RFTN2: variants seen among roughly 807,000 people sequenced by gnomAD.
RFTN2 encodes the protein raftlin-2.
A neutral mutation model predicts 52.7 loss-of-function variants in RFTN2; 34 were observed. The ratio of observed to expected loss-of-function variants is 0.64; its 90% CI spans 0.49 to 0.86. The LOEUF is 0.86. RFTN2 is among the 40% of genes least tolerant of loss of function. The probability of loss-of-function intolerance (pLI) is 0.00; values close to 1 mark genes in which losing one functional copy is unlikely to be tolerated. For missense variants in RFTN2, 536 were observed against 600.1 expected (o/e 0.89, Z 1.12); for synonymous variants, 203 against 217.7 (o/e 0.93, Z 0.59).
chr2:197,649,744 A>T (rs2088799794), intron 1 of RFTN2, among the ~76,000 whole-genome samples: 1 of 152,230 alleles, frequency 6.6e-6, no homozygotes. Flanking sequence ...AAATTTAGGC[A>T]GCTCAACACT....
chr2:197,595,938 G>T, intron 8 of RFTN2, 53 bp downstream of exon 8: 1 of 1,200,578 alleles, frequency 8.3e-7, no homozygotes, highest in Non-Finnish European at 1.2e-6. Flanking sequence ...GAGAGTTTAA[G>T]GATTAAATGC....
At chr2:197,671,968 C>T (rs2089152990) in intron 1 of RFTN2, among the ~76,000 whole-genome samples, 1 of 152,116 alleles carries the variant, frequency 6.6e-6, no homozygotes, top group South Asian at 2.1e-4. Flanking sequence ...TGTTAAGAAA[C>T]CCTGTAACAT....
chr2:197,580,170 A>T (rs2087482165), intron 8 of RFTN2, among the ~76,000 whole-genome samples: 2 of 150,724 alleles, frequency 1.3e-5, no homozygotes, highest in Non-Finnish European at 2.9e-5. Flanking sequence ...TCCCGACATT[A>T]AAAAAAAGCC....
At chr2:197,647,684 T>C (rs575203980) in intron 1 of RFTN2, among the ~76,000 whole-genome samples, 1 of 152,320 alleles carries the variant, frequency 6.6e-6, no homozygotes, top group African/African-American at 2.4e-5. Context: ...ATGGTGCTTA[T>C]GTAAATGCTT....
intron 7 of RFTN2, among the ~76,000 whole-genome samples, chr2:197,597,746 G>A (rs1033205555): frequency 1.3e-5 from 2 of 152,082 alleles, no homozygotes; most frequent in African/African-American, 4.8e-5. Context: ...TCAAACTCCC[G>A]ACCTCAGGTG....
At chr2:197,618,355 C>G (rs1483006258) in intron 5 of RFTN2, among the ~76,000 whole-genome samples, 1 of 152,124 alleles carries the variant, frequency 6.6e-6, no homozygotes, top group Non-Finnish European at 1.5e-5. Flanking sequence ...CCCGAGGTGC[C>G]GGGATTGCAG....
At chr2:197,625,768 C>T (rs758928465) in intron 5 of RFTN2, among the ~76,000 whole-genome samples, 2 of 143,436 alleles carry the variant, frequency 1.4e-5, no homozygotes, top group African/African-American at 2.6e-5. Flanking sequence ...CTTTTCTCTC[C>T]TCTCTTTTCC....
chr2:197,624,597 C>CAAAAAAAAA (rs746144794), intron 5 of RFTN2, among the ~76,000 whole-genome samples: 1 of 57,914 alleles, frequency 1.7e-5, no homozygotes, highest in Admixed American at 2.6e-4. Flanking sequence ...GACTCTGTCT[C>CAAAAAAAAA]AAAAAAAAAA....
intron 1 of RFTN2, among the ~76,000 whole-genome samples, chr2:197,657,986 G>A (rs2088916871): frequency 1.3e-5 from 2 of 152,058 alleles, no homozygotes; most frequent in Admixed American, 1.3e-4. Context: ...GTGAAGAAGG[G>A]GAGAGCTGTG....
chr2:197,621,042 TG>T (rs2088255497), intron 5 of RFTN2, among the ~76,000 whole-genome samples: 1 of 152,156 alleles, frequency 6.6e-6, no homozygotes, highest in African/African-American at 2.4e-5. Flanking sequence ...TAGTTCAAGC[TG>T]GTTTTCTAAT....
intron 6 of RFTN2, among the ~76,000 whole-genome samples, chr2:197,616,778 T>C (rs188949587): frequency 9.6e-4 from 146 of 152,334 alleles, no homozygotes; most frequent in African/African-American, 3.3e-3. Context: ...TAATTTGGAA[T>C]TGAGTTTTGC....
At chr2:197,579,055 T>C (rs73052811) in intron 8 of RFTN2, among the ~76,000 whole-genome samples, 1,898 of 152,104 alleles carry the variant, frequency 0.012, 41 homozygotes, top group African/African-American at 0.044. Flanking sequence ...CTGGCAGAGA[T>C]AGAGGAGACA....
chr2:197,586,126 A>G lies in RFTN2; in HGVS notation c.1233+9865T>C, dbSNP rs200013516. 9.2e-5 allele frequency among the ~76,000 whole-genome samples: 14 copies of G among 152,314 alleles called. No homozygotes were observed. In the East Asian group the frequency reaches 2.7e-3, roughly 29 times the overall value. On this transcript the variant is annotated intron_variant, in intron 8 of 8. Transcript: ENST00000295049. ...AAACTTAAAAACATTAGCAGTAATT[A>G]TTGCTTACGAAGGCACTTACCCTGT...
At chr2:197,613,835 C>A (rs1171562846) in intron 7 of RFTN2, among the ~76,000 whole-genome samples, 2 of 152,166 alleles carry the variant, frequency 1.3e-5, no homozygotes, top group Non-Finnish European at 1.5e-5. Context: ...GAAGAGTAGA[C>A]ATTGAGAGTT....
chr2:197,626,467 G>T (rs2088360595), intron 5 of RFTN2, among the ~76,000 whole-genome samples: 1 of 151,774 alleles, frequency 6.6e-6, no homozygotes, highest in African/African-American at 2.4e-5. Context: ...GGGAGGCTGA[G>T]GTGGGAGGAT....
At chr2:197,599,015 G>A (rs1474047981) in intron 7 of RFTN2, among the ~76,000 whole-genome samples, 1 of 150,936 alleles carries the variant, frequency 6.6e-6, no homozygotes, top group Non-Finnish European at 1.5e-5. Context: ...GCAGTGGCAC[G>A]ACCTCGGCTC....
intron 1 of RFTN2, among the ~76,000 whole-genome samples, chr2:197,658,108 A>G (rs2088918867): frequency 6.6e-6 from 1 of 152,016 alleles, no homozygotes; most frequent in Non-Finnish European, 1.5e-5. Context: ...ATGCTGGGGC[A>G]GTAATATCAG....
chr2:197,615,107 G>A (rs1006186128), intron 7 of RFTN2, among the ~76,000 whole-genome samples: 2 of 152,226 alleles, frequency 1.3e-5, no homozygotes, highest in Non-Finnish European at 2.9e-5. Flanking sequence ...ACAGGGCTAA[G>A]TTGCTAAACC....
At chr2:197,575,941 G>T (rs932052103) in intron 8 of RFTN2, among the ~76,000 whole-genome samples, 2 of 136,640 alleles carry the variant, frequency 1.5e-5, no homozygotes, top group Non-Finnish European at 3.2e-5. Context: ...AAAAGGGAAA[G>T]CACAACAAGG....
Sources: allele counts gnomAD v4.1 joint callset (sites outside exome capture counted in the v4.1 genomes callset), GRCh38; gene constraint gnomAD v4.1.1; transcripts MANE v1.5; gene names NCBI Gene and HGNC (gene_info 2026-07-23, HGNC 2026-07-21).